Variants in KIRREL3 observed in about 807,000 individuals in gnomAD.
The protein encoded by KIRREL3 is kirre like nephrin family adhesion molecule 3.
KIRREL3 carries 36 observed loss-of-function variants against 89.7 expected under a neutral mutation model. That is an observed-to-expected ratio of 0.40 (90% confidence interval 0.31 to 0.53). KIRREL3 has a LOEUF of 0.53. Among genes scored for constraint, KIRREL3 ranks in the 20% least tolerant of loss-of-function variants. The pLI, the probability that KIRREL3 is intolerant of heterozygous loss-of-function variation, is 0.49. For synonymous variants in KIRREL3, 445 were observed against 441.4 expected, an observed-to-expected ratio of 1.01 and a Z score of -0.10; for missense variants, 864 against 1,056.6, an observed-to-expected ratio of 0.82 and a Z score of 2.53.
At chr11:126,665,884 G>A (rs1301369338) in intron 1 of KIRREL3, among the ~76,000 whole-genome samples, 1 of 152,162 alleles carries the variant, frequency 6.6e-6, no homozygotes, top group Non-Finnish European at 1.5e-5. Context: ...TTTTTCATTT[G>A]TAAAACTGGA....
intron 2 of KIRREL3, among the ~76,000 whole-genome samples, chr11:126,543,575 T>C (rs1426022517): frequency 6.6e-6 from 1 of 152,092 alleles, no homozygotes; most frequent in Non-Finnish European, 1.5e-5. Flanking sequence ...TGTGGTTTCC[T>C]CTTCAGAAAG....
rs776238326 is a variant in KIRREL3, at chr11:126,754,553, C to T, written c.56-191641G>A. 4.6e-5 allele frequency among the ~76,000 whole-genome samples: 7 copies of T among 151,942 alleles called. No individual in the cohort carries two copies. Among genetic ancestry groups the T allele is most frequent in the Non-Finnish European group, 8.8e-5 (6 of 67,988 alleles). On this transcript the variant is annotated intron_variant, in intron 1 of 16. Transcript: ENST00000525144. This position sits in a 1 kb window ranked among gnomAD's most constrained non-coding sequence, Gnocchi z 5.1. ...CAAACTGCATGTCTTTGCTAGATACCGCTGAAGGGGATCGTCTGCGAAGAA... is the reference window on the plus strand; with the variant it reads ...CAAACTGCATGTCTTTGCTAGATACTGCTGAAGGGGATCGTCTGCGAAGAA...
At chr11:126,779,373 C>G (rs138614037) in intron 1 of KIRREL3, among the ~76,000 whole-genome samples, 1 of 152,176 alleles carries the variant, frequency 6.6e-6, no homozygotes, top group Admixed American at 6.5e-5. Flanking sequence ...AGGGCATTCT[C>G]TCTCCCTGAA....
intron 4 of KIRREL3, among the ~76,000 whole-genome samples, chr11:126,517,949 C>T (rs1323368212): frequency 1.3e-5 from 2 of 152,240 alleles, no homozygotes; most frequent in East Asian, 1.9e-4. Flanking sequence ...GAAAAGACGC[C>T]TGTCTTGACC....
chr11:126,473,317 A>G lies in KIRREL3; in HGVS notation c.583T>C (p.Tyr195His). 2 of 1,244,462 alleles carry G rather than the reference A, an allele frequency of 1.6e-6. No homozygotes were observed. The highest frequency in any genetic ancestry group is 2.1e-6 in the Non-Finnish European group (2 of 967,552). 77.1% of individuals were successfully genotyped at this position (1,244,462 alleles called of 1,614,324 possible). Residue 195 changes from tyrosine (Y) to histidine (H), a missense_variant, in exon 5 of 17, where the codon TAC becomes CAC. Transcript: ENST00000525144. The stretch of plus-strand genomic sequence containing the variant: ...TCCCCTCCAGGCCTCACCTTGGAGT[A>G]GGTGGCCCCATTGATGACCTCTCCC... ...RKGEVINGAT[Y>H]SKTLLRDGKR...
intron 4 of KIRREL3, among the ~76,000 whole-genome samples, chr11:126,499,291 A>G (rs946160983): frequency 6.6e-6 from 1 of 152,020 alleles, no homozygotes; most frequent in Non-Finnish European, 1.5e-5. Context: ...TCTCCGCCCC[A>G]CTTTAGTGCC....
rs1217053868 is a variant in KIRREL3, at chr11:126,683,878, C to T, written c.56-120966G>A. Among the ~76,000 whole-genome samples the T allele has an allele frequency of 2.6e-5, 4 of 152,238 alleles. No homozygotes were observed. The highest frequency in any genetic ancestry group is 7.2e-5 in the African/African-American group (3 of 41,466). The stretch of plus-strand genomic sequence containing the variant: ...CCCAGACGCGCGTGGGTCCACCTAC[C>T]GTCCATCTACCGGGGTCACTGAGTC... On this transcript the variant is annotated intron_variant, in intron 1 of 16. Transcript: ENST00000525144. The surrounding 1 kb of genome is among the most constrained non-coding windows in gnomAD (Gnocchi z 5.2).
chr11:126,930,392 A>G (rs1298403579), intron 1 of KIRREL3, among the ~76,000 whole-genome samples: 1 of 152,144 alleles, frequency 6.6e-6, no homozygotes. Context: ...GCCTATATTC[A>G]AAGCATTGGA....
At chr11:126,972,449 C>G (rs957149151) in intron 1 of KIRREL3, among the ~76,000 whole-genome samples, 2 of 152,202 alleles carry the variant, frequency 1.3e-5, no homozygotes, top group African/African-American at 4.8e-5. Context: ...GATTCCGTCA[C>G]TGCTAATCTG....
intron 1 of KIRREL3, among the ~76,000 whole-genome samples, chr11:126,718,204 C>A (rs894472893): frequency 1.3e-5 from 2 of 152,186 alleles, no homozygotes; most frequent in African/African-American, 4.8e-5. Flanking sequence ...CTGCCTCAGG[C>A]TCAGGCAGGC....
At chr11:126,604,460 T>C (rs1271805090) in intron 1 of KIRREL3, among the ~76,000 whole-genome samples, 8 of 152,232 alleles carry the variant, frequency 5.3e-5, no homozygotes, top group African/African-American at 1.7e-4. Flanking sequence ...GTATACCATA[T>C]CTCATTTAGT....
At position 126,755,853 on chromosome 11, in the gene KIRREL3, G is replaced by C. The variant is rs556517124; in HGVS notation, c.56-192941C>G. Among the ~76,000 whole-genome samples the C allele has an allele frequency of 8.5e-5, 12 of 140,688 alleles. No homozygotes were observed. The highest frequency in any genetic ancestry group is 7.7e-4 in the Admixed American group (11 of 14,308). The allele number at this position is 140,688 out of a possible 152,430, so 92.3% of individuals were successfully genotyped here. Reference sequence around the variant, plus strand: ...AGAGAGAGAGAGAGAGAGAGAGAGAGAGGGAGAGAGGGAGAGAGAAAAAAC... The same window carrying C: ...AGAGAGAGAGAGAGAGAGAGAGAGACAGGGAGAGAGGGAGAGAGAAAAAAC... On this transcript the variant is annotated intron_variant, in intron 1 of 16. Transcript: ENST00000525144. The surrounding 1 kb of genome is among the most constrained non-coding windows in gnomAD (Gnocchi z 4.3).
intron 1 of KIRREL3, among the ~76,000 whole-genome samples, chr11:126,745,501 A>C (rs1346352161): frequency 6.6e-6 from 1 of 151,692 alleles, no homozygotes; most frequent in East Asian, 1.9e-4. Context: ...AAAACAAAAA[A>C]AAAAAACAAA....
At chr11:126,585,388 C>G (rs1941783067) in intron 1 of KIRREL3, among the ~76,000 whole-genome samples, 2 of 151,976 alleles carry the variant, frequency 1.3e-5, no homozygotes, top group African/African-American at 4.8e-5. Flanking sequence ...CACTCACCAC[C>G]ACGCCCGGCT....
rs142932517 is a variant in KIRREL3, at chr11:126,684,096, G to A, written c.56-121184C>T. Among the ~76,000 whole-genome samples the A allele has an allele frequency of 4.5e-3, 686 of 152,326 alleles. 8 individuals are homozygous for A. Among genetic ancestry groups the A allele is most frequent in the South Asian group, 0.028 (134 of 4,820 alleles). On this transcript the variant is annotated intron_variant, in intron 1 of 16. Coordinates refer to ENST00000525144, the MANE Select transcript of KIRREL3 (RefSeq NM_032531.4). The surrounding 1 kb of genome is among the most constrained non-coding windows in gnomAD (Gnocchi z 4.2). ...GACCCTGCCACCTGCTCAGTGGGAT[G>A]GCATCTTGGGGGAGCACCTTGGGCA...
At chr11:126,956,802 A>G (rs1948935613) in intron 1 of KIRREL3, among the ~76,000 whole-genome samples, 1 of 152,176 alleles carries the variant, frequency 6.6e-6, no homozygotes, top group Non-Finnish European at 1.5e-5. Context: ...AGAAACCACA[A>G]TGCACCGTTA....
intron 1 of KIRREL3, among the ~76,000 whole-genome samples, chr11:126,657,162 C>G (rs1186805669): frequency 6.6e-6 from 1 of 151,916 alleles, no homozygotes; most frequent in Non-Finnish European, 1.5e-5. Context: ...ACATGACAGG[C>G]TTTTGAACTT....
In KIRREL3 at chr11:126,685,375, CT is replaced by C. The variant is rs1257378329; in HGVS notation, c.56-122464del. 6.6e-6 allele frequency among the ~76,000 whole-genome samples: 1 copy of C among 152,090 alleles called. No individual in the cohort carries two copies. Among genetic ancestry groups the C allele is most frequent in the Non-Finnish European group, 1.5e-5 (1 of 68,008 alleles). ...TGCAGGAGACTTGGAGACAGAAATT[CT>C]TTGGGAAGGAGATGGGGTAGCTGCC... is the stretch of plus-strand genomic sequence containing the variant. On this transcript the variant is annotated intron_variant, in intron 1 of 16. Transcript: ENST00000525144. The surrounding 1 kb of genome is among the most constrained non-coding windows in gnomAD (Gnocchi z 5.5).
At chr11:126,602,115 T>C (rs888797694) in intron 1 of KIRREL3, among the ~76,000 whole-genome samples, 2 of 152,174 alleles carry the variant, frequency 1.3e-5, no homozygotes, top group Non-Finnish European at 2.9e-5. Context: ...CAAAACAAAG[T>C]CTTTCCCCAG....
Sources: allele counts gnomAD v4.1 joint callset (sites outside exome capture counted in the v4.1 genomes callset), GRCh38; gene constraint gnomAD v4.1.1; non-coding constraint Gnocchi (gnomAD v3.1); transcripts MANE v1.5; gene names NCBI Gene and HGNC (gene_info 2026-07-23, HGNC 2026-07-21).